Variants in CSMD2 observed in about 807,000 individuals in gnomAD.
CSMD2 encodes CUB and sushi domain-containing protein 2.
Under a neutral mutation model 398.5 loss-of-function variants are expected in CSMD2, and 130 were observed. The observed-to-expected ratio is 0.33, with a 90% CI of 0.28 to 0.38. CSMD2 has a LOEUF of 0.38. Among genes scored for constraint, CSMD2 ranks in the 10% least tolerant of loss-of-function variants. The probability of loss-of-function intolerance (pLI) is 1.00; values close to 1 mark genes in which losing one functional copy is unlikely to be tolerated. For missense variants in CSMD2, 3,829 were observed against 4,764.9 expected, an observed-to-expected ratio of 0.80 and a Z score of 5.78; for synonymous variants, 1,828 against 1,908.5, an observed-to-expected ratio of 0.96 and a Z score of 1.10.
At chr1:33,531,423 T>G (rs919449147) in intron 64 of CSMD2, among the ~76,000 whole-genome samples, 2 of 152,206 alleles carry the variant, frequency 1.3e-5, no homozygotes, top group Non-Finnish European at 2.9e-5. Context: ...TGGAAAACTT[T>G]GGCAATTCCT....
In CSMD2 at chr1:33,537,498, C is replaced by T. The variant is rs778676276; in HGVS notation, c.9743G>A (p.Gly3248Asp). 6.2e-7 allele frequency: 1 copy of T among 1,614,172 alleles called. No individual in the cohort carries two copies. The highest frequency in any genetic ancestry group is 8.5e-7 in the Non-Finnish European group (1 of 1,180,032). ...FSCHPPLVLV[G>D]SPRRFCQSDG... ...TGACTGGCAAAACCTGCGTGGAGAG[C>T]CCACCAGCACCAGAGGGGGATGGCA... The change falls in exon 61 of 71, where the codon GGC (glycine) becomes GAC (aspartate). Residue 3248 changes from glycine to aspartate, a missense_variant. Physicochemically the swap from Gly to Asp is moderately conservative, Grantham distance 94 (BLOSUM62 -1). Coordinates refer to ENST00000373381, the MANE Select transcript of CSMD2 (RefSeq NM_001281956.2). This position sits in a 1 kb window ranked among gnomAD's most constrained non-coding sequence, Gnocchi z 4.6.
intron 2 of CSMD2, among the ~76,000 whole-genome samples, chr1:34,063,416 G>C (rs1013171336): frequency 1.3e-5 from 2 of 152,144 alleles, no homozygotes; most frequent in Admixed American, 6.5e-5. Flanking sequence ...ACAGGTATTG[G>C]GTAAATACAG....
chr1:33,770,446 C>T (rs1651108966), intron 13 of CSMD2, among the ~76,000 whole-genome samples: 1 of 152,204 alleles, frequency 6.6e-6, no homozygotes, highest in South Asian at 2.1e-4. Flanking sequence ...CTGCTGGGTA[C>T]TCAGTAGGGA....
chr1:33,682,056 A>G (rs540503479), intron 25 of CSMD2, among the ~76,000 whole-genome samples: 1 of 152,350 alleles, frequency 6.6e-6, no homozygotes, highest in South Asian at 2.1e-4. Context: ...CTGCGCTTCA[A>G]TCAATGTGTC....
At chr1:34,059,285 G>A (rs930152815) in intron 2 of CSMD2, among the ~76,000 whole-genome samples, 1 of 152,128 alleles carries the variant, frequency 6.6e-6, no homozygotes, top group African/African-American at 2.4e-5. Flanking sequence ...GGGGTGGAGC[G>A]AGACCCATGG....
chr1:34,072,681 A>G (rs1655867721), intron 2 of CSMD2, among the ~76,000 whole-genome samples: 1 of 152,164 alleles, frequency 6.6e-6, no homozygotes, highest in Non-Finnish European at 1.5e-5. Context: ...GAGCAAGGTG[A>G]GGCTTTGCCA....
intron 20 of CSMD2, among the ~76,000 whole-genome samples, chr1:33,715,666 G>C (rs1342460193): frequency 6.6e-6 from 1 of 152,158 alleles, no homozygotes; most frequent in Non-Finnish European, 1.5e-5. Flanking sequence ...GAATCCATCT[G>C]ATACTCCTGG....
Position 33,519,823 on chromosome 1 carries a change from G to A in CSMD2, c.10725C>T (p.Leu3575=). Residue 3575 remains leucine, a synonymous_variant, in exon 69 of 71, where the codon CTC becomes CTT. Coordinates refer to ENST00000373381, the MANE Select transcript of CSMD2 (RefSeq NM_001281956.2). The surrounding 1 kb of genome is among the most constrained non-coding windows in gnomAD (Gnocchi z 5.6). ...ALIIAGFVLY[L]YKHRRRPKVP... is the part of the protein sequence containing the mutation. Reference sequence around the variant, plus strand: ...TTCCTGCACGGTACCTGTGCTTGTAGAGATAGAGCACGAAGCCCGCAATAA... The same window carrying A: ...TTCCTGCACGGTACCTGTGCTTGTAAAGATAGAGCACGAAGCCCGCAATAA... 4 of 1,613,978 alleles carry A rather than the reference G, an allele frequency of 2.5e-6. No individual in the cohort carries two copies. Among genetic ancestry groups the A allele is most frequent in the Non-Finnish European group, 3.4e-6 (4 of 1,179,968 alleles).
At chr1:33,970,705 C>G (rs1019070693) in intron 3 of CSMD2, among the ~76,000 whole-genome samples, 2 of 152,194 alleles carry the variant, frequency 1.3e-5, no homozygotes, top group Non-Finnish European at 2.9e-5. Context: ...AGGGCTGGGC[C>G]CCTGGGGAGG....
rs368463642 is a variant in CSMD2, at chr1:33,826,948, G to A, written c.1034-1174C>T. Among the ~76,000 whole-genome samples the A allele has an allele frequency of 2.0e-5, 3 of 152,300 alleles. No homozygotes were observed. In the East Asian group the frequency reaches 5.8e-4, roughly 29 times the overall value. The stretch of plus-strand genomic sequence containing the variant: ...TAACTGGGCACTTCATACGTGCCAG[G>A]TCCAGGGTGCTTTACAAGTTCTTTA... On this transcript the variant is annotated intron_variant, in intron 6 of 70. Coordinates refer to ENST00000373381, the MANE Select transcript of CSMD2 (RefSeq NM_001281956.2).
intron 3 of CSMD2, among the ~76,000 whole-genome samples, chr1:34,023,263 A>G (rs1649167728): frequency 6.6e-6 from 1 of 152,206 alleles, no homozygotes; most frequent in Non-Finnish European, 1.5e-5. Flanking sequence ...ACAGACTCCC[A>G]AGAGGACGGT....
intron 55 of CSMD2, among the ~76,000 whole-genome samples, chr1:33,555,224 A>T (rs1657846616): frequency 6.6e-6 from 1 of 152,162 alleles, no homozygotes; most frequent in African/African-American, 2.4e-5. Context: ...GTCACTGCAG[A>T]TGTGGTAAAA....
chr1:33,889,718 C>G (rs767642448), intron 5 of CSMD2, among the ~76,000 whole-genome samples: 18 of 150,974 alleles, frequency 1.2e-4, no homozygotes, highest in Non-Finnish European at 2.5e-4. Context: ...TAAAAGCAAG[C>G]TGTAGAATAA....
At chr1:33,589,481 C>T (rs1639291584) in intron 44 of CSMD2, among the ~76,000 whole-genome samples, 2 of 152,184 alleles carry the variant, frequency 1.3e-5, no homozygotes, top group African/African-American at 4.8e-5. Flanking sequence ...AAAAAAGCAG[C>T]ATTTATTTTA....
At chr1:33,830,472 A>G (rs1659407864) in intron 6 of CSMD2, among the ~76,000 whole-genome samples, 1 of 152,234 alleles carries the variant, frequency 6.6e-6, no homozygotes, top group African/African-American at 2.4e-5. Flanking sequence ...AAGGAAAACT[A>G]ACAAACAGAA....
intron 1 of CSMD2, among the ~76,000 whole-genome samples, chr1:34,099,606 T>A (rs1369017539): frequency 2.0e-5 from 3 of 152,128 alleles, no homozygotes; most frequent in Non-Finnish European, 4.4e-5. Context: ...TCTGGGAACA[T>A]CTCCCATGTA....
chr1:34,026,918 TCAA>T (rs1649726669), intron 3 of CSMD2, among the ~76,000 whole-genome samples: 1 of 151,978 alleles, frequency 6.6e-6, no homozygotes, highest in South Asian at 2.1e-4. Flanking sequence ...GAAACCAAGA[TCAA>T]CACATCTGGG....
At chr1:33,540,009 G>C (rs1311288315) in intron 60 of CSMD2, among the ~76,000 whole-genome samples, 1 of 152,090 alleles carries the variant, frequency 6.6e-6, no homozygotes, top group African/African-American at 2.4e-5. Flanking sequence ...CCATTCACAG[G>C]GTGTGACAAG....
intron 1 of CSMD2, among the ~76,000 whole-genome samples, chr1:34,115,035 A>G (rs705218): frequency 0.39 from 59,688 of 151,902 alleles, 12,353 homozygotes; most frequent in East Asian, 0.68. Flanking sequence ...GGTCATTTGA[A>G]ATTATTAAGT....
Sources: allele counts gnomAD v4.1 joint callset (sites outside exome capture counted in the v4.1 genomes callset), GRCh38; gene constraint gnomAD v4.1.1; non-coding constraint Gnocchi (gnomAD v3.1); transcripts MANE v1.5; gene names NCBI Gene and HGNC (gene_info 2026-07-23, HGNC 2026-07-21).